SLC4A5: variants seen among roughly 807,000 people sequenced by gnomAD.
The protein encoded by SLC4A5 is solute carrier family 4 member 5, also known as electrogenic sodium bicarbonate cotransporter 4.
Under a neutral mutation model 120.4 loss-of-function variants are expected in SLC4A5, and 96 were observed. The ratio of observed to expected loss-of-function variants is 0.80; its 90% CI spans 0.68 to 0.94. The LOEUF (loss-of-function observed/expected upper bound fraction) is 0.94, where lower values mean the gene tolerates loss of function less well. Among genes scored for constraint, SLC4A5 ranks in the 40% least tolerant of loss-of-function variants. The probability of loss-of-function intolerance (pLI) is 0.00; values close to 1 mark genes in which losing one functional copy is unlikely to be tolerated. For synonymous variants in SLC4A5, 550 were observed against 571.1 expected (o/e 0.96, Z 0.53); for missense variants, 1,259 against 1,459.5 (o/e 0.86, Z 2.24).
In SLC4A5 at chr2:74,220,662, G is replaced by C. The variant is rs1327271398; in HGVS notation, c.*33+772C>G. 5.8e-3 allele frequency among the ~76,000 whole-genome samples: 791 copies of C among 137,140 alleles called. 3 individuals are homozygous for C. The highest frequency in any genetic ancestry group is 0.02 in the African/African-American group (738 of 36,380). The allele number at this position is 137,140 out of a possible 152,430, so 90.0% of individuals were successfully genotyped here. A position where few individuals can be genotyped will look rare whatever the true frequency, so the allele number is the denominator to read the frequency against. ...CTCCCGAGTAGCTGGGACTACAGGCGCCCACCACCATGCCCGGCTAATTTT... is the reference window on the plus strand; with the variant it reads ...CTCCCGAGTAGCTGGGACTACAGGCCCCCACCACCATGCCCGGCTAATTTT... On this transcript the variant is annotated intron_variant, in intron 30 of 30. Coordinates refer to ENST00000394019, the Ensembl canonical transcript of SLC4A5.
intron 7 of SLC4A5, among the ~76,000 whole-genome samples, chr2:74,291,871 T>C (rs13421479): frequency 0.014 from 2,102 of 152,222 alleles, 27 homozygotes; most frequent in African/African-American, 0.032. Flanking sequence ...GTGGCTGAGG[T>C]TGACCCAGCT....
intron 30 of SLC4A5, among the ~76,000 whole-genome samples, chr2:74,220,447 G>T (rs1235162029): frequency 6.6e-6 from 1 of 152,052 alleles, no homozygotes; most frequent in East Asian, 1.9e-4. Context: ...CCAGGGTTTC[G>T]ATCCTTAGCG....
At chr2:74,302,072 A>C (rs1672488170) in intron 7 of SLC4A5, among the ~76,000 whole-genome samples, 1 of 152,208 alleles carries the variant, frequency 6.6e-6, no homozygotes, top group Non-Finnish European at 1.5e-5. Flanking sequence ...TCAAATTGGA[A>C]TATGTGGCTT....
At chr2:74,319,374 G>T (rs1396811609) in intron 5 of SLC4A5, 1 of 152,012 alleles carries the variant, frequency 6.6e-6, no homozygotes, top group Non-Finnish European at 1.5e-5. Context: ...AAAACATTTA[G>T]GTTCTTTAAA....
intron 6 of SLC4A5, chr2:74,307,919 G>T: frequency 2.0e-6 from 1 of 504,970 alleles, no homozygotes. Context: ...TGGCCACACT[G>T]CTGACCAGCC....
chr2:74,270,544 G>C lies in SLC4A5; in HGVS notation c.402-5280C>G, dbSNP rs1213618545. On this transcript the variant is annotated intron_variant, in intron 8 of 30. Transcript: ENST00000394019. ...AAAAATTAGCCAGGCGTGGTGGCAG[G>C]CGCTTGTAGTCCCAGCTACTCAGGA... 2.6e-5 allele frequency among the ~76,000 whole-genome samples: 4 copies of C among 152,186 alleles called. 1 individual carries two copies. The highest frequency in any genetic ancestry group is 5.9e-5 in the Non-Finnish European group (4 of 68,030).
intron 8 of SLC4A5, among the ~76,000 whole-genome samples, chr2:74,284,803 C>G (rs937236604): frequency 3.3e-5 from 5 of 152,172 alleles, no homozygotes; most frequent in Non-Finnish European, 5.9e-5. Flanking sequence ...GTGCGGCTCC[C>G]CTCCAGTTTC....
intron 21 of SLC4A5, 44 bp downstream of exon 21, chr2:74,239,291 G>GC: frequency 6.3e-7 from 1 of 1,581,574 alleles, no homozygotes; most frequent in South Asian, 1.1e-5. Context: ...GGACTCAGCA[G>GC]CTGTCTGACT....
At chr2:74,336,806 A>C (rs1029362081) in intron 3 of SLC4A5, among the ~76,000 whole-genome samples, 2 of 152,192 alleles carry the variant, frequency 1.3e-5, no homozygotes, top group Admixed American at 6.5e-5. Flanking sequence ...ATGTTCTGAA[A>C]TATTAGCCAA....
intron 5 of SLC4A5, among the ~76,000 whole-genome samples, chr2:74,316,680 TTTC>T (rs1402879803): frequency 6.6e-6 from 1 of 152,220 alleles, no homozygotes; most frequent in African/African-American, 2.4e-5. Flanking sequence ...CCACACGGTT[TTTC>T]TTTTCCTCTA....
At chr2:74,330,019 A>G (rs897012608) in intron 4 of SLC4A5, among the ~76,000 whole-genome samples, 2 of 151,132 alleles carry the variant, frequency 1.3e-5, no homozygotes, top group Non-Finnish European at 3.0e-5. Context: ...TGAGGTGTGG[A>G]CAAGGGTGGT....
At position 74,226,956 on chromosome 2, in the gene SLC4A5, C is replaced by T. The variant is rs1388872676; in HGVS notation, c.3090+1G>A. The T allele has an allele frequency of 6.2e-7, 1 of 1,612,706 alleles. No homozygotes were observed. Among genetic ancestry groups the T allele is most frequent in the Non-Finnish European group, 8.5e-7 (1 of 1,179,228 alleles). On this transcript the variant is annotated splice_donor_variant, in intron 27 of 30. Coordinates refer to ENST00000394019, the Ensembl canonical transcript of SLC4A5. LOFTEE classifies it high-confidence loss of function. ...GAGGGGGAAGCCCGTGCCCACTTTA[C>T]CATGACCGGGAAGATGATGGCAGCC...
chr2:74,254,815 G>T, intron 13 of SLC4A5, 109 bp from the exon 14 acceptor site: 2 of 772,504 alleles, frequency 2.6e-6, no homozygotes, highest in South Asian at 1.7e-5. Flanking sequence ...TGAACAGTAT[G>T]CATTTTTTTT....
At chr2:74,306,653 T>C (rs1672653630) in intron 6 of SLC4A5, 2 of 103,650 alleles carry the variant, frequency 1.9e-5, no homozygotes, top group Non-Finnish European at 2.9e-5. Flanking sequence ...AGTTCATTTC[T>C]TTTTTTTTTT....
rs1358261131 is a variant in SLC4A5, at chr2:74,255,018, A to AC, written c.1026-313dup. Among the ~76,000 whole-genome samples, 1 of 151,910 alleles carries AC rather than the reference A, an allele frequency of 6.6e-6. No homozygotes were observed. Among genetic ancestry groups the AC allele is most frequent in the Non-Finnish European group, 1.5e-5 (1 of 67,970 alleles). Reference sequence around the variant, plus strand: ...GTATTTTCAGTAGATACAGGGTTTCACCATGCTGCCCAGGCTGGTCTCCAA... The same window carrying AC: ...GTATTTTCAGTAGATACAGGGTTTCACCCATGCTGCCCAGGCTGGTCTCCAA... On this transcript the variant is annotated intron_variant, in intron 13 of 30. Coordinates refer to ENST00000394019, the Ensembl canonical transcript of SLC4A5. This position sits in a 1 kb window ranked among gnomAD's most constrained non-coding sequence, Gnocchi z 4.0.
At chr2:74,303,166 A>G (rs778327097) in intron 7 of SLC4A5, among the ~76,000 whole-genome samples, 5 of 151,728 alleles carry the variant, frequency 3.3e-5, no homozygotes, top group Admixed American at 6.6e-5. Flanking sequence ...CATCTCTTAC[A>G]CTGGACTCCT....
At chr2:74,233,364 G>T (rs768728599) in intron 23 of SLC4A5, 38 bp downstream of exon 23, 1 of 1,610,522 alleles carries the variant, frequency 6.2e-7, no homozygotes, top group East Asian at 2.2e-5. Flanking sequence ...TTTGTGGGAA[G>T]AAAGAGGTTA....
intron 23 of SLC4A5, among the ~76,000 whole-genome samples, chr2:74,233,163 C>T (rs1217139309): frequency 3.3e-5 from 5 of 152,202 alleles, no homozygotes; most frequent in African/African-American, 1.2e-4. Context: ...GACAGAGAGC[C>T]TGTGCCCAGT....
intron 8 of SLC4A5, among the ~76,000 whole-genome samples, chr2:74,283,969 C>T (rs1175210236): frequency 6.6e-6 from 1 of 151,640 alleles, no homozygotes; most frequent in Non-Finnish European, 1.5e-5. Context: ...TTTCAAGTAG[C>T]TGAGACTACA....
Sources: allele counts gnomAD v4.1 joint callset (sites outside exome capture counted in the v4.1 genomes callset), GRCh38; gene constraint gnomAD v4.1.1; non-coding constraint Gnocchi (gnomAD v3.1); transcripts MANE v1.5; gene names NCBI Gene and HGNC (gene_info 2026-07-23, HGNC 2026-07-21).